The following DAPK1 variants were observed in gnomAD, a reference collection of about 807,000 sequenced individuals.
DAPK1 encodes the protein death associated protein kinase 1.
In DAPK1, 56 loss-of-function variants were observed where a neutral mutation model predicts 144.9. The ratio of observed to expected loss-of-function variants is 0.39; its 90% CI spans 0.31 to 0.48. The LOEUF (loss-of-function observed/expected upper bound fraction) is 0.48. Among genes scored for constraint, DAPK1 ranks in the 20% least tolerant of loss-of-function variants. DAPK1 has a pLI of 0.95. For missense variants in DAPK1, 1,454 were observed against 1,875.4 expected (o/e 0.78, Z 4.15); for synonymous variants, 690 against 749.0 (o/e 0.92, Z 1.29).
At position 87,534,668 on chromosome 9, in the gene DAPK1, G is replaced by A. The variant is rs1399685296; in HGVS notation, c.62+35529G>A. On this transcript the variant is annotated intron_variant, in intron 2 of 25. Transcript: ENST00000408954. ...TTCTTTTCTTTTTTTTTTTTGATAC[G>A]GAGTCTCGCTCTGTCACCCAGACTG... 2.7e-5 allele frequency among the ~76,000 whole-genome samples: 4 copies of A among 146,262 alleles called. No individual in the cohort carries two copies. In the East Asian group the frequency reaches 6.0e-4, roughly 22 times the overall value.
At chr9:87,597,147 C>T (rs1243632917) in intron 2 of DAPK1, among the ~76,000 whole-genome samples, 2 of 152,216 alleles carry the variant, frequency 1.3e-5, no homozygotes, top group African/African-American at 2.4e-5. Flanking sequence ...AGGATCACTT[C>T]TGCCACATTC....
rs548952098 is a variant in DAPK1, at chr9:87,552,471, A to G, written c.63-52483A>G. ...GAGCTGTGAAACTTGTGGCCCACAC[A>G]CTAATTTTCTCTAGCACCTGGGCAG... On this transcript the variant is annotated intron_variant, in intron 2 of 25. Coordinates refer to ENST00000408954, the MANE Select transcript of DAPK1 (RefSeq NM_004938.4). Among the ~76,000 whole-genome samples, 49 of 152,294 alleles carry G rather than the reference A, an allele frequency of 3.2e-4. No individual in the cohort carries two copies. In the South Asian group the frequency reaches 9.9e-3, roughly 31 times the overall value.
At chr9:87,661,512 C>T (rs1309637847) in intron 18 of DAPK1, among the ~76,000 whole-genome samples, 2 of 152,120 alleles carry the variant, frequency 1.3e-5, no homozygotes, top group Non-Finnish European at 2.9e-5. Context: ...TTAATAATGG[C>T]CATTCTGATT....
intron 2 of DAPK1, among the ~76,000 whole-genome samples, chr9:87,586,757 C>T (rs1827952685): frequency 6.6e-6 from 1 of 152,240 alleles, no homozygotes; most frequent in South Asian, 2.1e-4. Flanking sequence ...TCTTCTGAAT[C>T]TGTGACAGCC....
intron 2 of DAPK1, among the ~76,000 whole-genome samples, chr9:87,577,042 T>A (rs543998083): frequency 6.6e-6 from 1 of 152,190 alleles, no homozygotes; most frequent in Non-Finnish European, 1.5e-5. Context: ...TTGCCTTCTT[T>A]GGATCAAAAC....
At chr9:87,497,611 C>G (rs1824210905), upstream of DAPK1, 1 of 158,882 alleles carries the variant, frequency 6.3e-6, no homozygotes, top group Non-Finnish European at 1.4e-5. Flanking sequence ...GCCCGCGTTC[C>G]GGGCGGACGC....
chr9:87,664,796 G>A (rs1295508479), intron 18 of DAPK1, among the ~76,000 whole-genome samples: 1 of 152,174 alleles, frequency 6.6e-6, no homozygotes, highest in Non-Finnish European at 1.5e-5. Flanking sequence ...AACTTCTCAT[G>A]GGAATCAGAG....
intron 2 of DAPK1, among the ~76,000 whole-genome samples, chr9:87,559,040 C>T (rs1826814210): frequency 6.6e-6 from 1 of 152,172 alleles, no homozygotes; most frequent in African/African-American, 2.4e-5. Flanking sequence ...TGTGCACATG[C>T]ATGCACCAGC....
intron 2 of DAPK1, among the ~76,000 whole-genome samples, chr9:87,501,312 A>G (rs1824383261): frequency 6.6e-6 from 1 of 152,240 alleles, no homozygotes. Context: ...CGAGGTCAGG[A>G]GTTCAAGACC....
chr9:87,660,861 T>C (rs542855514), intron 18 of DAPK1, among the ~76,000 whole-genome samples: 1 of 152,388 alleles, frequency 6.6e-6, no homozygotes, highest in South Asian at 2.1e-4. Flanking sequence ...TGTTTCTGTT[T>C]TTTGAGACAG....
intron 2 of DAPK1, among the ~76,000 whole-genome samples, chr9:87,551,255 C>G (rs1189739882): frequency 2.0e-5 from 3 of 152,016 alleles, no homozygotes; most frequent in African/African-American, 4.8e-5. Flanking sequence ...TCAAGTGATT[C>G]TCCTGCCTCA....
chr9:87,705,828 G>A (rs1165475350), intron 25 of DAPK1, among the ~76,000 whole-genome samples: 1 of 152,074 alleles, frequency 6.6e-6, no homozygotes, highest in Admixed American at 6.5e-5. Flanking sequence ...TCAGAATCCA[G>A]TCTAAAATCA....
In DAPK1 at chr9:87,706,629, G is replaced by C. The variant is rs36220446; in HGVS notation, c.3558G>C (p.Leu1186=). 729 of 1,613,180 alleles carry C rather than the reference G, an allele frequency of 4.5e-4. 6 individuals carry two copies. In the East Asian group the frequency reaches 0.011, roughly 25 times the overall value. ...LANRGAELLV[L]LVNHGQGIEV... ...ACCGTGGGGCCGAGCTGCTGGTGCT[G>C]CTGGTCAACCACGGCCAGGGCATTG... Residue 1186 remains leucine, a synonymous_variant, in exon 26 of 26, where the codon CTG becomes CTC. Transcript: ENST00000408954. This position sits in a 1 kb window ranked among gnomAD's most constrained non-coding sequence, Gnocchi z 9.0.
intron 2 of DAPK1, among the ~76,000 whole-genome samples, chr9:87,539,242 A>C (rs1438703831): frequency 1.3e-5 from 2 of 151,990 alleles, no homozygotes; most frequent in Non-Finnish European, 1.5e-5. Context: ...GCAATTACTG[A>C]AGTTTAATAT....
At chr9:87,607,391 C>G (rs541856302) in intron 3 of DAPK1, among the ~76,000 whole-genome samples, 1 of 152,238 alleles carries the variant, frequency 6.6e-6, no homozygotes, top group East Asian at 1.9e-4. Context: ...CAGGTTGTGC[C>G]CAGTGACTCA....
Position 87,643,428 on chromosome 9 carries a change from C to G in DAPK1, c.971C>G (p.Ser324Cys), listed in dbSNP as rs1830163927. The change falls in exon 11 of 26, where the codon TCC (serine) becomes TGC (cysteine). Residue 324 changes from serine to cysteine, a missense_variant. Around this residue, in one of 2 missense-constraint regions of DAPK1, gnomAD observed 429 missense variants for 637.5 expected, o/e 0.67. Coordinates refer to ENST00000408954, the MANE Select transcript of DAPK1 (RefSeq NM_004938.4). ...LCQRLSRSFL[S>C]RSNMSVARSD... is the part of the protein sequence containing the mutation. ...CAAAGATTATCCAGGTCATTCCTGTCCAGAAGTAACATGAGTGTTGCCAGA... is the reference window on the plus strand; with the variant it reads ...CAAAGATTATCCAGGTCATTCCTGTGCAGAAGTAACATGAGTGTTGCCAGA... The G allele has an allele frequency of 6.2e-7, 1 of 1,607,822 alleles. No homozygotes were observed. The highest frequency in any genetic ancestry group is 8.5e-7 in the Non-Finnish European group (1 of 1,178,026).
intron 2 of DAPK1, among the ~76,000 whole-genome samples, chr9:87,573,673 T>C (rs1470159877): frequency 6.6e-6 from 1 of 152,216 alleles, no homozygotes; most frequent in Non-Finnish European, 1.5e-5. Flanking sequence ...GTCAGTGTCC[T>C]GTCACCTCAG....
intron 10 of DAPK1, among the ~76,000 whole-genome samples, chr9:87,642,854 T>C (rs534607617): frequency 6.6e-6 from 1 of 152,332 alleles, no homozygotes; most frequent in African/African-American, 2.4e-5. Context: ...TAACTGTACT[T>C]TTGCCTTAGA....
intron 2 of DAPK1, among the ~76,000 whole-genome samples, chr9:87,511,084 C>T (rs530278237): frequency 4.9e-4 from 74 of 152,250 alleles, no homozygotes; most frequent in African/African-American, 1.6e-3. Flanking sequence ...AGGCAGAGTG[C>T]GGGTGAGGGC....
Sources: allele counts gnomAD v4.1 joint callset (sites outside exome capture counted in the v4.1 genomes callset), GRCh38; gene constraint gnomAD v4.1.1; regional missense constraint gnomAD v4.1.1; non-coding constraint Gnocchi (gnomAD v3.1); transcripts MANE v1.5; gene names NCBI Gene and HGNC (gene_info 2026-07-23, HGNC 2026-07-21).